Variants in NEDD4L observed in about 807,000 individuals in gnomAD.
The protein encoded by NEDD4L is E3 ubiquitin-protein ligase NEDD4-like.
Under a neutral mutation model 148.9 loss-of-function variants are expected in NEDD4L, and 54 were observed. The observed-to-expected ratio is 0.36, with a 90% confidence interval of 0.29 to 0.45. NEDD4L has a LOEUF of 0.45. Among genes scored for constraint, NEDD4L ranks in the 20% least tolerant of loss-of-function variants. The probability of loss-of-function intolerance (pLI) is 1.00; values close to 1 mark genes in which losing one functional copy is unlikely to be tolerated. For synonymous variants in NEDD4L, 433 were observed against 440.7 expected, an observed-to-expected ratio of 0.98 and a Z score of 0.22; for missense variants, 856 against 1,233.8, an observed-to-expected ratio of 0.69 and a Z score of 4.59.
At chr18:58,363,557 A>G (rs1012189620) in intron 19 of NEDD4L, among the ~76,000 whole-genome samples, 1 of 152,230 alleles carries the variant, frequency 6.6e-6, no homozygotes, top group Non-Finnish European at 1.5e-5. Flanking sequence ...TTAAATGACT[A>G]CATTAACATG....
At chr18:58,199,776 G>A (rs1445092060) in intron 2 of NEDD4L, among the ~76,000 whole-genome samples, 1 of 152,078 alleles carries the variant, frequency 6.6e-6, no homozygotes, top group Non-Finnish European at 1.5e-5. Flanking sequence ...GCTTTCCTCT[G>A]GTTGAATTTA....
At chr18:58,266,251 C>T (rs371797384) in intron 5 of NEDD4L, among the ~76,000 whole-genome samples, 31 of 151,996 alleles carry the variant, frequency 2.0e-4, no homozygotes, top group African/African-American at 7.5e-4. Flanking sequence ...TGTTTCACAT[C>T]ATAGAAAAAG....
chr18:58,316,071 C>T lies in NEDD4L; in HGVS notation c.348+39C>T, dbSNP rs776899514. 44 of 1,529,450 alleles carry T rather than the reference C, an allele frequency of 2.9e-5. No homozygotes were observed. Among genetic ancestry groups the T allele is most frequent in the South Asian group, 1.0e-4 (9 of 88,686 alleles). 94.7% of individuals were successfully genotyped at this position (1,529,450 alleles called of 1,614,324 possible). On this transcript the variant is annotated intron_variant, in intron 6 of 30. Transcript: ENST00000400345. ...CATGTTTGATGCTTCGTGCTGGGGG[C>T]GGGGGTTTCTAATTGTTTGTAGTCA...
At chr18:58,146,900 C>T (rs568223612) in intron 1 of NEDD4L, among the ~76,000 whole-genome samples, 7 of 150,936 alleles carry the variant, frequency 4.6e-5, no homozygotes, top group East Asian at 2.0e-4. Flanking sequence ...CTGGAAATTA[C>T]GTTGCTGGTG....
At chr18:58,341,997 G>A (rs1261237132) in intron 15 of NEDD4L, among the ~76,000 whole-genome samples, 200 bp downstream of exon 15, 1 of 152,188 alleles carries the variant, frequency 6.6e-6, no homozygotes, top group African/African-American at 2.4e-5. Flanking sequence ...TCTCTCACCT[G>A]ATTCTCATTC....
At chr18:58,165,066 C>G (rs1306386055) in intron 1 of NEDD4L, among the ~76,000 whole-genome samples, 1 of 152,208 alleles carries the variant, frequency 6.6e-6, no homozygotes, top group Non-Finnish European at 1.5e-5. Flanking sequence ...ATCTAGTTCT[C>G]TAAGCTGTCA....
chr18:58,334,513 T>C (rs1047646748), intron 12 of NEDD4L, among the ~76,000 whole-genome samples: 2 of 152,244 alleles, frequency 1.3e-5, no homozygotes, highest in African/African-American at 4.8e-5. Context: ...TGAGAGATGT[T>C]TGATGTACAC....
chr18:58,255,835 G>A, intron 5 of NEDD4L: 1 of 1,232,524 alleles, frequency 8.1e-7, no homozygotes, highest in East Asian at 3.2e-5. Flanking sequence ...GCGTGGGTGC[G>A]CTTAAGCGGA....
chr18:58,365,956 T>C (rs372357230), intron 20 of NEDD4L, 43 bp from the exon 21 acceptor site: 18 of 1,354,686 alleles, frequency 1.3e-5, no homozygotes, highest in Non-Finnish European at 1.8e-5. Context: ...ACAAAGTGTG[T>C]ATTTACTGTA....
At chr18:58,305,869 C>T (rs540491991) in intron 5 of NEDD4L, among the ~76,000 whole-genome samples, 16 of 152,132 alleles carry the variant, frequency 1.1e-4, no homozygotes, top group South Asian at 4.2e-4. Flanking sequence ...GGGAGGGAGC[C>T]GGGAGACTTA....
At chr18:58,171,673 A>G (rs1199790092) in intron 2 of NEDD4L, among the ~76,000 whole-genome samples, 3 of 152,250 alleles carry the variant, frequency 2.0e-5, no homozygotes, top group African/African-American at 7.2e-5. Context: ...GTGGCACCTG[A>G]TGGCCAGCCT....
At chr18:58,145,055 G>C (rs2033956201) in intron 1 of NEDD4L, among the ~76,000 whole-genome samples, 1 of 152,170 alleles carries the variant, frequency 6.6e-6, no homozygotes, top group Non-Finnish European at 1.5e-5. Flanking sequence ...CCTGAGCCCA[G>C]GAGCCAAGAG....
chr18:58,382,219 CGGGTCAGA>C (rs1395478013), intron 24 of NEDD4L, among the ~76,000 whole-genome samples: 1 of 152,174 alleles, frequency 6.6e-6, no homozygotes, highest in Admixed American at 6.5e-5. Flanking sequence ...TGTGAGTGCT[CGGGTCAGA>C]GGGGCTCAGG....
At chr18:58,056,931 G>A (rs1399982420) in intron 1 of NEDD4L, among the ~76,000 whole-genome samples, 1 of 130,286 alleles carries the variant, frequency 7.7e-6, no homozygotes, top group South Asian at 2.5e-4. Context: ...TTATAACTGT[G>A]TACTTGTAAA....
intron 1 of NEDD4L, among the ~76,000 whole-genome samples, chr18:58,107,422 G>T (rs570426787): frequency 4.1e-4 from 63 of 151,872 alleles, no homozygotes; most frequent in African/African-American, 1.3e-3. Flanking sequence ...GGTGATTTTT[G>T]AAAATGATTT....
intron 1 of NEDD4L, among the ~76,000 whole-genome samples, chr18:58,061,486 T>G (rs1271359287): frequency 6.6e-6 from 1 of 151,852 alleles, no homozygotes; most frequent in Admixed American, 6.6e-5. Flanking sequence ...GGTTGTTTTT[T>G]TTTTTTTTCT....
rs1260932738 is a variant in NEDD4L at position 58,063,213 on chromosome 18, T to TTTTTTA, written c.48+18523_48+18528dup. Among the ~76,000 whole-genome samples, 6 of 151,480 alleles carry TTTTTTA rather than the reference T, an allele frequency of 4.0e-5. No individual in the cohort carries two copies. In the East Asian group the frequency reaches 1.2e-3, roughly 30 times the overall value. On this transcript the variant is annotated intron_variant, in intron 1 of 30. Coordinates refer to ENST00000400345, the MANE Select transcript of NEDD4L (RefSeq NM_001144967.3). ...GGCACTCGCCACCATGCCTGGCTAA[T>TTTTTTA]TTTTTATTTTTATTTTTATTTTTTG...
intron 1 of NEDD4L, among the ~76,000 whole-genome samples, chr18:58,142,642 A>T (rs2033675866): frequency 6.6e-6 from 1 of 152,168 alleles, no homozygotes; most frequent in Non-Finnish European, 1.5e-5. Context: ...TGTGTTTAAT[A>T]TATTTCTCAT....
chr18:58,170,325 A>T (rs1004864685), intron 2 of NEDD4L, among the ~76,000 whole-genome samples: 1 of 150,406 alleles, frequency 6.6e-6, no homozygotes, highest in African/African-American at 2.5e-5. Context: ...AGGACAGAAC[A>T]CTGCTGCCCG....
Sources: gnomAD v4.1 joint callset for allele counts (sites outside exome capture counted in the v4.1 genomes callset) on GRCh38, gnomAD v4.1.1 for gene constraint, MANE v1.5 for transcripts, NCBI Gene and HGNC (gene_info 2026-07-23, HGNC 2026-07-21) for gene names.